The following CNTN1 variants were observed in gnomAD, a reference collection of about 807,000 sequenced individuals.
The protein encoded by CNTN1 is contactin-1.
A neutral mutation model predicts 126.4 loss-of-function variants in CNTN1; 38 were observed. That is an observed-to-expected ratio of 0.30 (90% CI 0.23 to 0.39). The LOEUF (loss-of-function observed/expected upper bound fraction) is 0.39, where lower values mean the gene tolerates loss of function less well. Among genes scored for constraint, CNTN1 ranks in the 10% least tolerant of loss-of-function variants. The probability of loss-of-function intolerance (pLI) is 1.00; values close to 1 mark genes in which losing one functional copy is unlikely to be tolerated. For missense variants in CNTN1, 1,009 were observed against 1,248.4 expected, an observed-to-expected ratio of 0.81 and a Z score of 2.89; for synonymous variants, 413 against 422.6, an observed-to-expected ratio of 0.98 and a Z score of 0.28.
chr12:41,060,114 G>T (rs981582386), intron 23 of CNTN1, among the ~76,000 whole-genome samples: 3 of 152,144 alleles, frequency 2.0e-5, no homozygotes, highest in Non-Finnish European at 4.4e-5. Context: ...AAGGAAAATT[G>T]AGTCTCATGG....
intron 1 of CNTN1, among the ~76,000 whole-genome samples, chr12:40,842,303 G>A (rs549568053): frequency 3.9e-5 from 6 of 152,138 alleles, no homozygotes; most frequent in South Asian, 4.1e-4. Flanking sequence ...TTAATAGCAG[G>A]TAGAAGGAAT....
intron 3 of CNTN1, among the ~76,000 whole-genome samples, chr12:40,912,213 TTTC>T (rs200615549): frequency 0.14 from 18,959 of 135,800 alleles, 1,464 homozygotes; most frequent in African/African-American, 0.25. Flanking sequence ...TAAGAATATT[TTTC>T]TTCTTAATTT....
At chr12:40,878,343 C>T (rs1465919711) in intron 1 of CNTN1, among the ~76,000 whole-genome samples, 1 of 151,154 alleles carries the variant, frequency 6.6e-6, no homozygotes, top group Non-Finnish European at 1.5e-5. Flanking sequence ...TGATCATTCA[C>T]AGTAAGTTAT....
rs551319369 is a variant in CNTN1, at chr12:41,034,865, G to A, written c.2980+5646G>A. On this transcript the variant is annotated intron_variant, in intron 23 of 23. Coordinates refer to ENST00000551295, the MANE Select transcript of CNTN1 (RefSeq NM_001843.4). ...ATTTGGACAAAGTAATATTGTGTGA[G>A]TCTCTAAATTCAACTTTGGGAGGCA... Among the ~76,000 whole-genome samples the A allele has an allele frequency of 9.2e-5, 14 of 152,286 alleles. No individual in the cohort carries two copies. In the East Asian group the frequency reaches 2.7e-3, roughly 29 times the overall value.
chr12:41,044,564 G>A (rs1044639093), intron 23 of CNTN1, among the ~76,000 whole-genome samples: 2 of 151,470 alleles, frequency 1.3e-5, no homozygotes, highest in African/African-American at 4.9e-5. Flanking sequence ...AATCTATGAG[G>A]CAAATCCTTC....
chr12:40,864,284 T>C (rs12811844), intron 1 of CNTN1, among the ~76,000 whole-genome samples: 11 of 151,988 alleles, frequency 7.2e-5, no homozygotes, highest in Admixed American at 7.2e-4. Flanking sequence ...CCTCTCAAAG[T>C]GCTGGGATTA....
intron 21 of CNTN1, 80 bp downstream of exon 21, chr12:41,025,416 T>G: frequency 7.2e-7 from 1 of 1,388,890 alleles, no homozygotes; most frequent in Non-Finnish European, 1.0e-6. Context: ...TTGAAGGAAA[T>G]TTCCTACCTA....
At chr12:40,778,629 C>T (rs972649583) in intron 1 of CNTN1, among the ~76,000 whole-genome samples, 11 of 151,704 alleles carry the variant, frequency 7.3e-5, no homozygotes, top group Non-Finnish European at 1.6e-4. Context: ...CTAATTATAG[C>T]ATGCTGGCTT....
At chr12:40,795,657 G>C (rs1940401670) in intron 1 of CNTN1, among the ~76,000 whole-genome samples, 1 of 151,970 alleles carries the variant, frequency 6.6e-6, no homozygotes, top group South Asian at 2.1e-4. Context: ...GTTATAACAA[G>C]TTTTAAACAA....
intron 23 of CNTN1, among the ~76,000 whole-genome samples, chr12:41,038,185 G>C (rs945784588): frequency 2.6e-5 from 4 of 151,946 alleles, no homozygotes; most frequent in African/African-American, 7.3e-5. Context: ...AATAAATAAA[G>C]TTTTAAAAAT....
intron 1 of CNTN1, among the ~76,000 whole-genome samples, chr12:40,751,316 A>C (rs1380884419): frequency 6.6e-6 from 1 of 152,078 alleles, no homozygotes; most frequent in Non-Finnish European, 1.5e-5. Context: ...AGGAAGTTTT[A>C]TGTTTTTATA....
At chr12:40,734,129 C>G (rs933266028) in intron 1 of CNTN1, among the ~76,000 whole-genome samples, 2 of 152,080 alleles carry the variant, frequency 1.3e-5, no homozygotes, top group Non-Finnish European at 2.9e-5. Flanking sequence ...GCTTTCCAAG[C>G]TAATCATCCT....
At chr12:40,868,947 G>C (rs904113464) in intron 1 of CNTN1, among the ~76,000 whole-genome samples, 3 of 151,732 alleles carry the variant, frequency 2.0e-5, no homozygotes, top group Non-Finnish European at 4.4e-5. Context: ...GGACCTTGAA[G>C]TTAGTTATTT....
At chr12:40,814,498 A>G (rs1345520819) in intron 1 of CNTN1, among the ~76,000 whole-genome samples, 1 of 152,164 alleles carries the variant, frequency 6.6e-6, no homozygotes, top group Non-Finnish European at 1.5e-5. Context: ...CAAAGATCAG[A>G]TGGTTGTAGA....
At chr12:40,704,621 T>G (rs1016087159) in intron 1 of CNTN1, among the ~76,000 whole-genome samples, 1 of 152,194 alleles carries the variant, frequency 6.6e-6, no homozygotes, top group African/African-American at 2.4e-5. Flanking sequence ...AATACTACCT[T>G]GCTTATTTTT....
chr12:40,841,529 C>G (rs1942280442), intron 1 of CNTN1, among the ~76,000 whole-genome samples: 1 of 151,994 alleles, frequency 6.6e-6, no homozygotes, highest in East Asian at 1.9e-4. Context: ...AAATCTGCAA[C>G]AAAACACTAG....
In CNTN1 at chr12:40,770,497, A is replaced by G. The variant is rs561208720; in HGVS notation, c.-77+77905A>G. 6.6e-5 allele frequency among the ~76,000 whole-genome samples: 10 copies of G among 152,246 alleles called. No homozygotes were observed. The South Asian group carries it at 2.1e-3, about 32-fold the overall frequency. ...GGTAAACTTTTGTTAAAATACAGCC[A>G]TTAGATTTTCATATGCATGGATGTG... On this transcript the variant is annotated intron_variant, in intron 1 of 23. Coordinates refer to ENST00000551295, the MANE Select transcript of CNTN1 (RefSeq NM_001843.4).
chr12:40,747,305 A>ATG lies in CNTN1; in HGVS notation c.-77+54739_-77+54740dup, dbSNP rs58826763. 6.6e-3 allele frequency among the ~76,000 whole-genome samples: 972 copies of ATG among 148,306 alleles called. 5 individuals are homozygous for ATG. Among genetic ancestry groups the ATG allele is most frequent in the African/African-American group, 0.017 (665 of 40,224 alleles). On this transcript the variant is annotated intron_variant, in intron 1 of 23. Transcript: ENST00000551295. Reference sequence around the variant, plus strand: ...TAGTATTCCAATATTTTGTGAAGGGATGTGTGTGTGTGTGTGTGTGTGTGT... The same window carrying ATG: ...TAGTATTCCAATATTTTGTGAAGGGATGTGTGTGTGTGTGTGTGTGTGTGTGT...
chr12:40,937,790 T>A (rs1429575089), intron 11 of CNTN1, 103 bp downstream of exon 11: 8 of 782,122 alleles, frequency 1.0e-5, no homozygotes, highest in Admixed American at 3.5e-5. Context: ...TTGTGTTAGG[T>A]GTACAACATA....
Sources: allele counts gnomAD v4.1 joint callset (sites outside exome capture counted in the v4.1 genomes callset), GRCh38; gene constraint gnomAD v4.1.1; transcripts MANE v1.5; gene names NCBI Gene and HGNC (gene_info 2026-07-23, HGNC 2026-07-21).